Variants in L3MBTL4 observed in about 807,000 individuals in gnomAD.
L3MBTL4 encodes the protein lethal(3)malignant brain tumor-like protein 4.
A neutral mutation model predicts 84.5 loss-of-function variants in L3MBTL4; 70 were observed. The observed-to-expected ratio is 0.83, with a 90% confidence interval of 0.68 to 1.01. L3MBTL4 has a LOEUF of 1.01. Among genes scored for constraint, L3MBTL4 ranks in the 50% least tolerant of loss-of-function variants. L3MBTL4 has a pLI of 0.00. For synonymous variants in L3MBTL4, 274 were observed against 259.8 expected, an observed-to-expected ratio of 1.05 and a Z score of -0.52; for missense variants, 715 against 754.8, an observed-to-expected ratio of 0.95 and a Z score of 0.62.
At chr18:6,249,994 G>A (rs1383963236) in intron 5 of L3MBTL4, among the ~76,000 whole-genome samples, 4 of 152,228 alleles carry the variant, frequency 2.6e-5, no homozygotes, top group Non-Finnish European at 5.9e-5. Flanking sequence ...TAAAGGGACA[G>A]AAGTGGCAAC....
At chr18:6,031,065 T>C (rs993389393) in intron 16 of L3MBTL4, 1 of 985,324 alleles carries the variant, frequency 1.0e-6, no homozygotes, top group African/African-American at 1.7e-5. Context: ...AAACACTTAA[T>C]ACATCCAATT....
At chr18:6,217,637 C>T (rs892205390) in intron 10 of L3MBTL4, among the ~76,000 whole-genome samples, 5 of 152,152 alleles carry the variant, frequency 3.3e-5, no homozygotes, top group African/African-American at 1.2e-4. Context: ...TGTTGGAATG[C>T]ATCCAGGAGT....
At chr18:6,112,984 T>C (rs1214303440) in intron 14 of L3MBTL4, among the ~76,000 whole-genome samples, 1 of 152,128 alleles carries the variant, frequency 6.6e-6, no homozygotes, top group African/African-American at 2.4e-5. Flanking sequence ...GGAATGCACA[T>C]GGTAAGTGAT....
intron 12 of L3MBTL4, among the ~76,000 whole-genome samples, chr18:6,180,153 T>C (rs2044403033): frequency 6.6e-6 from 1 of 152,028 alleles, no homozygotes; most frequent in South Asian, 2.1e-4. Flanking sequence ...CTACCCATAC[T>C]TTTCCACAGT....
At chr18:6,315,561 G>T (rs2051048817) in intron 1 of L3MBTL4, among the ~76,000 whole-genome samples, 1 of 152,202 alleles carries the variant, frequency 6.6e-6, no homozygotes, top group Admixed American at 6.5e-5. Context: ...TAAGTAACTT[G>T]TCCAAGGTTA....
intron 14 of L3MBTL4, among the ~76,000 whole-genome samples, chr18:6,133,754 G>A (rs1295227456): frequency 6.6e-6 from 1 of 152,136 alleles, no homozygotes; most frequent in African/African-American, 2.4e-5. Flanking sequence ...CCAGGGAAAG[G>A]CAGCCTCCCA....
At chr18:6,073,590 T>C (rs1428199526) in intron 16 of L3MBTL4, among the ~76,000 whole-genome samples, 1 of 152,202 alleles carries the variant, frequency 6.6e-6, no homozygotes, top group Non-Finnish European at 1.5e-5. Context: ...ACAGATCAGC[T>C]TCTCCTGTGA....
chr18:6,032,587 T>G (rs1273943869), intron 16 of L3MBTL4, among the ~76,000 whole-genome samples: 1 of 152,048 alleles, frequency 6.6e-6, no homozygotes, highest in African/African-American at 2.4e-5. Context: ...TCTTAACCAT[T>G]TTAAGTATAT....
At chr18:6,226,892 A>C (rs377606039) in intron 10 of L3MBTL4, among the ~76,000 whole-genome samples, 70 of 152,314 alleles carry the variant, frequency 4.6e-4, no homozygotes, top group African/African-American at 1.6e-3. Context: ...AAATTCAGTC[A>C]TACACATAAA....
At chr18:6,186,609 A>G (rs1300250351) in intron 12 of L3MBTL4, among the ~76,000 whole-genome samples, 1 of 152,210 alleles carries the variant, frequency 6.6e-6, no homozygotes, top group Non-Finnish European at 1.5e-5. Context: ...GGCAACTTCT[A>G]GTTTCTCAGG....
intron 1 of L3MBTL4, among the ~76,000 whole-genome samples, chr18:6,390,719 A>T (rs341214): frequency 0.01 from 1,568 of 152,024 alleles, 25 homozygotes; most frequent in African/African-American, 0.035. Flanking sequence ...CACAAACTAG[A>T]AAATCTAGAG....
chr18:6,209,050 T>G (rs2045988844), intron 12 of L3MBTL4, among the ~76,000 whole-genome samples: 1 of 152,168 alleles, frequency 6.6e-6, no homozygotes, highest in Non-Finnish European at 1.5e-5. Context: ...TGATCTCCAA[T>G]TCCAATGGCT....
Position 6,047,722 on chromosome 18 carries a change from C to G in L3MBTL4, c.1444+33159G>C, listed in dbSNP as rs375134477. Reference sequence around the variant, plus strand: ...AACATCCTTTCATGTTAAAAACCCTCAACAGACTAGTCATCAAAGGAAAAT... The same window carrying G: ...AACATCCTTTCATGTTAAAAACCCTGAACAGACTAGTCATCAAAGGAAAAT... On this transcript the variant is annotated intron_variant, in intron 16 of 18. Coordinates refer to ENST00000317931, the MANE Select transcript of L3MBTL4 (RefSeq NM_001330559.2). 7.2e-5 allele frequency among the ~76,000 whole-genome samples: 11 copies of G among 152,284 alleles called. No individual in the cohort carries two copies. The South Asian group carries it at 2.3e-3, about 32-fold the overall frequency.
chr18:6,377,605 G>C (rs7228951), intron 1 of L3MBTL4, among the ~76,000 whole-genome samples: 233 of 152,236 alleles, frequency 1.5e-3, no homozygotes, highest in African/African-American at 5.4e-3. Context: ...AGTTTGCTGA[G>C]AATGATGGTT....
At chr18:6,131,067 A>T (rs966718648) in intron 14 of L3MBTL4, among the ~76,000 whole-genome samples, 1 of 152,180 alleles carries the variant, frequency 6.6e-6, no homozygotes, top group Non-Finnish European at 1.5e-5. Context: ...GTCCTTAGCA[A>T]TATTTTGATG....
intron 12 of L3MBTL4, among the ~76,000 whole-genome samples, chr18:6,191,766 T>C (rs527581470): frequency 6.6e-6 from 1 of 152,156 alleles, no homozygotes; most frequent in African/African-American, 2.4e-5. Context: ...GGCAGGATGA[T>C]TGCTTGAGTC....
chr18:6,059,906 G>A (rs1222332335), intron 16 of L3MBTL4, among the ~76,000 whole-genome samples: 1 of 152,184 alleles, frequency 6.6e-6, no homozygotes, highest in Non-Finnish European at 1.5e-5. Context: ...TCTAAGTGAA[G>A]TAAGGCTAAA....
intron 4 of L3MBTL4, among the ~76,000 whole-genome samples, chr18:6,265,060 T>C (rs576562162): frequency 1.3e-5 from 2 of 152,314 alleles, no homozygotes; most frequent in South Asian, 4.1e-4. Flanking sequence ...TACTACTAAG[T>C]AGGAAAAAGA....
rs1031422734 is a variant in L3MBTL4, at chr18:6,268,203, C to T, written c.128-4165G>A. ...GTTGAATCACCTGAGGTCAGGAGTT[C>T]GAGACCAGCCTGGCCAACACGGTGA... On this transcript the variant is annotated intron_variant, in intron 4 of 18. Coordinates refer to ENST00000317931, the MANE Select transcript of L3MBTL4 (RefSeq NM_001330559.2). Among the ~76,000 whole-genome samples, 4 of 152,074 alleles carry T rather than the reference C, an allele frequency of 2.6e-5. No individual in the cohort carries two copies. The East Asian group carries it at 5.8e-4, about 22-fold the overall frequency.
Sources: gnomAD v4.1 joint callset for allele counts (sites outside exome capture counted in the v4.1 genomes callset) on GRCh38, gnomAD v4.1.1 for gene constraint, MANE v1.5 for transcripts, NCBI Gene and HGNC (gene_info 2026-07-23, HGNC 2026-07-21) for gene names.